Variants in SLC28A1 observed in about 807,000 individuals in gnomAD.
The protein encoded by SLC28A1 is solute carrier family 28 member 1.
In SLC28A1, 64 loss-of-function variants were observed where a neutral mutation model predicts 74.8. The observed-to-expected ratio is 0.86, with a 90% CI of 0.70 to 1.05. SLC28A1 has a LOEUF of 1.05. Among genes scored for constraint, SLC28A1 ranks in the 50% least tolerant of loss-of-function variants. SLC28A1 has a pLI of 0.00. For missense variants in SLC28A1, 828 were observed against 822.8 expected (o/e 1.01, Z -0.08); for synonymous variants, 359 against 335.0 (o/e 1.07, Z -0.78).
Position 84,945,111 on chromosome 15 carries a change from T to C in SLC28A1, c.1875-14T>C. The C allele has an allele frequency of 6.2e-7, 1 of 1,613,888 alleles. No homozygotes were observed. The highest frequency in any genetic ancestry group is 8.5e-7 in the Non-Finnish European group (1 of 1,179,804). Reference sequence around the variant, plus strand: ...GGCCTGGAGCTCCCACTGCGATCTTTGCTTTCTTTTTAGCGTCAATCCAGA... The same window carrying C: ...GGCCTGGAGCTCCCACTGCGATCTTCGCTTTCTTTTTAGCGTCAATCCAGA... On this transcript the variant is annotated splice_polypyrimidine_tract_variant and intron_variant, in intron 18 of 18. Transcript: ENST00000394573.
At chr15:84,946,679 C>T (rs1192972571), downstream of SLC28A1, among the ~76,000 whole-genome samples, 1 of 152,114 alleles carries the variant, frequency 6.6e-6, no homozygotes, top group Admixed American at 6.5e-5. Flanking sequence ...TGTTGGGCTG[C>T]TGGTGTTCAG....
At chr15:84,954,505 A>T in the SLC28A1 span, among the ~76,000 whole-genome samples, 2 of 152,246 alleles carry the variant, frequency 1.3e-5, no homozygotes, top group Non-Finnish European at 2.9e-5. Context: ...TTATTTGCAT[A>T]TGCTGTCCGT....
At chr15:84,950,596 A>C (rs1310959366), downstream of SLC28A1, among the ~76,000 whole-genome samples, 1 of 152,070 alleles carries the variant, frequency 6.6e-6, no homozygotes, top group Non-Finnish European at 1.5e-5. Flanking sequence ...AGTCCTAGAT[A>C]CTCACGAGGT....
Position 84,922,695 on chromosome 15 carries a change from C to T in SLC28A1, c.958-1290C>T, listed in dbSNP as rs527379782. 9.8e-4 allele frequency among the ~76,000 whole-genome samples: 149 copies of T among 152,286 alleles called. 2 individuals are homozygous for T. The highest frequency in any genetic ancestry group is 9.5e-3 in the Admixed American group (145 of 15,302). On this transcript the variant is annotated intron_variant, in intron 11 of 18. Transcript: ENST00000394573. ...GTGCCCCTCACCGTGGCTTCCTAGC[C>T]CCTCTGTGGCCCACCTGCCCCCTCT...
intron 12 of SLC28A1, among the ~76,000 whole-genome samples, chr15:84,926,711 G>T (rs111563411): frequency 7.0e-6 from 1 of 143,428 alleles, no homozygotes; most frequent in Non-Finnish European, 1.5e-5. Flanking sequence ...GAGGTGGCCT[G>T]TATGTGCTGA....
the SLC28A1 span, among the ~76,000 whole-genome samples, chr15:84,966,879 C>T: frequency 6.6e-6 from 1 of 152,162 alleles, no homozygotes; most frequent in Non-Finnish European, 1.5e-5. Flanking sequence ...ACCATATCAC[C>T]ACCTGTCTCA....
intron 11 of SLC28A1, among the ~76,000 whole-genome samples, chr15:84,922,366 T>C (rs1596311702): frequency 6.6e-6 from 1 of 152,038 alleles, no homozygotes; most frequent in East Asian, 1.9e-4. Context: ...CCCCTGCCCC[T>C]CTCAAGCCCT....
Position 84,916,719 on chromosome 15 carries a change from C to T in SLC28A1, c.796-1805C>T, listed in dbSNP as rs116208257. Among the ~76,000 whole-genome samples, 1,048 of 152,244 alleles carry T rather than the reference C, an allele frequency of 6.9e-3. 14 individuals are homozygous for T. The highest frequency in any genetic ancestry group is 0.024 in the African/African-American group (984 of 41,546). On this transcript the variant is annotated intron_variant, in intron 9 of 18. Coordinates refer to ENST00000394573, the MANE Select transcript of SLC28A1 (RefSeq NM_004213.5). ...CTATGCTCCTTCCCTTGAGAAATGT[C>T]CACCTATTATTGAAAATTCTAGGAA...
intron 15 of SLC28A1, among the ~76,000 whole-genome samples, chr15:84,936,972 G>C (rs1258941801): frequency 6.6e-6 from 1 of 151,698 alleles, no homozygotes; most frequent in African/African-American, 2.4e-5. Context: ...AAGATGGCTT[G>C]AGCCCAGGAG....
At chr15:84,916,240 C>CAGGTGTGAGCCACCATGCCGGGCCTTT (rs1555449976) in intron 9 of SLC28A1, among the ~76,000 whole-genome samples, 1 of 98,424 alleles carries the variant, frequency 1.0e-5, no homozygotes, top group Admixed American at 9.8e-5. Context: ...GCTGGGATTA[C>CAGGTGTGAGCCACCATGCCGGGCCTTT]TTTTTTTTTT....
chr15:84,925,158 A>G (rs1970362415), intron 12 of SLC28A1, among the ~76,000 whole-genome samples: 1 of 134,780 alleles, frequency 7.4e-6, no homozygotes, highest in South Asian at 2.4e-4. Context: ...TGACCTTGTG[A>G]TCTGCCCACC....
chr15:84,958,410 A>C, the SLC28A1 span, among the ~76,000 whole-genome samples: 2 of 152,182 alleles, frequency 1.3e-5, no homozygotes, highest in African/African-American at 2.4e-5. Flanking sequence ...TTGGTAGAAC[A>C]CCTGAGAAAG....
chr15:84,926,070 A>G (rs1262975655), intron 12 of SLC28A1, among the ~76,000 whole-genome samples: 2 of 147,458 alleles, frequency 1.4e-5, no homozygotes, highest in Admixed American at 6.8e-5. Context: ...TATTCTATAT[A>G]TAATATTTTA....
At chr15:84,949,705 C>T (rs1438457188), downstream of SLC28A1, among the ~76,000 whole-genome samples, 2 of 151,820 alleles carry the variant, frequency 1.3e-5, no homozygotes, top group African/African-American at 2.4e-5. Flanking sequence ...GCCACTGTGC[C>T]CAGCCTTAGG....
downstream of SLC28A1, among the ~76,000 whole-genome samples, chr15:84,946,578 A>G (rs1368681175): frequency 6.6e-6 from 1 of 152,116 alleles, no homozygotes; most frequent in Non-Finnish European, 1.5e-5. Context: ...TGGGTGGTAT[A>G]GGGGTGCCCC....
At chr15:84,913,044 GA>G (rs1422178093) in intron 9 of SLC28A1, among the ~76,000 whole-genome samples, 1 of 152,118 alleles carries the variant, frequency 6.6e-6, no homozygotes, top group Non-Finnish European at 1.5e-5. Context: ...AAATGGGAAT[GA>G]GGGGCAAAAT....
chr15:84,960,712 G>C, the SLC28A1 span, among the ~76,000 whole-genome samples: 8 of 152,142 alleles, frequency 5.3e-5, no homozygotes, highest in African/African-American at 1.9e-4. Context: ...CTTCGCCCTC[G>C]CTTTTGCAGT....
At chr15:84,917,730 G>A (rs1353824488) in intron 9 of SLC28A1, among the ~76,000 whole-genome samples, 3 of 152,118 alleles carry the variant, frequency 2.0e-5, no homozygotes, top group African/African-American at 7.2e-5. Flanking sequence ...GTGCACTAGG[G>A]TATGTCTGTA....
chr15:84,900,468 A>C (rs1044740771), intron 6 of SLC28A1, among the ~76,000 whole-genome samples: 20 of 151,272 alleles, frequency 1.3e-4, no homozygotes, highest in Middle Eastern at 6.8e-3. Flanking sequence ...TTCTTCGAAG[A>C]GAAGGAAAAT....
Sources: allele counts gnomAD v4.1 joint callset (sites outside exome capture counted in the v4.1 genomes callset), GRCh38; gene constraint gnomAD v4.1.1; transcripts MANE v1.5; gene names NCBI Gene and HGNC (gene_info 2026-07-23, HGNC 2026-07-21).